Variants in RBFOX1 observed in about 807,000 individuals in gnomAD.
The protein encoded by RBFOX1 is RNA binding protein fox-1 homolog 1.
RBFOX1 carries 8 observed loss-of-function variants against 57.7 expected under a neutral mutation model. The observed-to-expected ratio is 0.14, with a 90% CI of 0.08 to 0.25. RBFOX1 has a LOEUF of 0.25. Among genes scored for constraint, RBFOX1 ranks in the 10% least tolerant of loss-of-function variants. The probability of loss-of-function intolerance (pLI) is 1.00; values close to 1 mark genes in which losing one functional copy is unlikely to be tolerated. For synonymous variants in RBFOX1, 326 were observed against 222.4 expected, an observed-to-expected ratio of 1.47 and a Z score of -4.15; for missense variants, 611 against 548.5, an observed-to-expected ratio of 1.11 and a Z score of -1.14.
chr16:6,761,226 G>C (rs952119859), intron 3 of RBFOX1, among the ~76,000 whole-genome samples: 5 of 152,034 alleles, frequency 3.3e-5, no homozygotes, highest in South Asian at 2.1e-4. Flanking sequence ...TTGAAGCCCA[G>C]GTAATTGGGG....
At chr16:5,499,283 A>G (rs2043107122) in intron 2 of RBFOX1, among the ~76,000 whole-genome samples, 1 of 152,178 alleles carries the variant, frequency 6.6e-6, no homozygotes. Flanking sequence ...GGAATGACTG[A>G]CTTCTGTAGT....
intron 4 of RBFOX1, among the ~76,000 whole-genome samples, chr16:7,506,790 T>C (rs994053075): frequency 2.2e-5 from 3 of 137,984 alleles, no homozygotes; most frequent in African/African-American, 7.4e-5. Context: ...AAAGGTACCA[T>C]AATGAGGTAT....
At chr16:7,007,413 T>G (rs1031352912) in intron 3 of RBFOX1, among the ~76,000 whole-genome samples, 2 of 152,198 alleles carry the variant, frequency 1.3e-5, no homozygotes, top group Non-Finnish European at 2.9e-5. Context: ...GATGGGATTT[T>G]CCCCAATAAT....
At chr16:7,001,901 G>C (rs535632434) in intron 3 of RBFOX1, among the ~76,000 whole-genome samples, 2 of 152,122 alleles carry the variant, frequency 1.3e-5, no homozygotes, top group Non-Finnish European at 2.9e-5. Flanking sequence ...CATAGTAAGC[G>C]GGGGTCCCCA....
intron 1 of RBFOX1, among the ~76,000 whole-genome samples, chr16:6,188,606 C>A (rs1462905187): frequency 3.3e-5 from 5 of 152,024 alleles, no homozygotes; most frequent in Non-Finnish European, 7.4e-5. Flanking sequence ...TCTGCTAACT[C>A]CTTGTTTCCC....
chr16:7,298,345 G>C (rs1365360687), intron 4 of RBFOX1, among the ~76,000 whole-genome samples: 1 of 139,586 alleles, frequency 7.2e-6, no homozygotes, highest in Non-Finnish European at 1.5e-5. Context: ...CTGGAGTGCA[G>C]TAGCATGATC....
At chr16:6,710,879 G>T (rs970998085) in intron 3 of RBFOX1, among the ~76,000 whole-genome samples, 1 of 152,220 alleles carries the variant, frequency 6.6e-6, no homozygotes, top group East Asian at 1.9e-4. Flanking sequence ...GGCTTCATTT[G>T]TGCCAAGTGT....
chr16:7,514,297 A>T (rs749646179), intron 4 of RBFOX1, among the ~76,000 whole-genome samples: 4 of 152,206 alleles, frequency 2.6e-5, no homozygotes, highest in Non-Finnish European at 5.9e-5. Context: ...GTCGTTTGCT[A>T]GGTCCTCTCT....
At chr16:6,376,045 G>C (rs539027023) in intron 2 of RBFOX1, among the ~76,000 whole-genome samples, 1 of 152,118 alleles carries the variant, frequency 6.6e-6, no homozygotes, top group African/African-American at 2.4e-5. Flanking sequence ...CTTGTATAGG[G>C]GTACATTCCT....
intron 3 of RBFOX1, among the ~76,000 whole-genome samples, chr16:5,740,911 T>G (rs2052748485): frequency 6.6e-6 from 1 of 152,172 alleles, no homozygotes; most frequent in Non-Finnish European, 1.5e-5. Context: ...CCGTTTGTTG[T>G]GTACTACCCT....
rs527633585 is a variant in RBFOX1, at chr16:5,485,591, C to A, written c.258+18337C>A. Among the ~76,000 whole-genome samples the A allele has an allele frequency of 6.6e-5, 10 of 152,274 alleles. No homozygotes were observed. In the South Asian group the frequency reaches 2.1e-3, roughly 32 times the overall value. ...ATTTTAATATTTATTCCGCATTATA[C>A]CTCAAAGAGAATTCACCATTGTCCT... On this transcript the variant is annotated intron_variant, in intron 2 of 2. Transcript: ENST00000585867.
intron 3 of RBFOX1, among the ~76,000 whole-genome samples, chr16:6,886,774 AAAACAAAAC>A (rs1408056086): frequency 2.1e-5 from 3 of 143,096 alleles, no homozygotes; most frequent in African/African-American, 8.1e-5. Flanking sequence ...AAAACAAAAC[AAAACAAAAC>A]AAAAAAAAAA....
intron 2 of RBFOX1, among the ~76,000 whole-genome samples, chr16:6,403,753 T>C (rs2093170922): frequency 1.3e-5 from 2 of 152,170 alleles, no homozygotes; most frequent in African/African-American, 4.8e-5. Context: ...TCGAGCCCTA[T>C]GTTCATGCAT....
At chr16:6,853,550 G>C (rs886829508) in intron 3 of RBFOX1, among the ~76,000 whole-genome samples, 2 of 152,048 alleles carry the variant, frequency 1.3e-5, no homozygotes, top group African/African-American at 4.8e-5. Context: ...TCAGAATTTG[G>C]GTTATGAGTG....
At chr16:7,445,647 A>T (rs2098802095) in intron 4 of RBFOX1, among the ~76,000 whole-genome samples, 1 of 152,042 alleles carries the variant, frequency 6.6e-6, no homozygotes. Flanking sequence ...CTGGTCTCTT[A>T]GAAATTCAAA....
intron 2 of RBFOX1, among the ~76,000 whole-genome samples, chr16:6,525,163 C>T (rs1469784396): frequency 6.6e-6 from 1 of 152,102 alleles, no homozygotes; most frequent in African/African-American, 2.4e-5. Flanking sequence ...TGCAAACATC[C>T]TGAACTATAG....
intron 1 of RBFOX1, among the ~76,000 whole-genome samples, chr16:6,171,545 A>G (rs971606131): frequency 5.3e-5 from 8 of 152,152 alleles, no homozygotes; most frequent in African/African-American, 1.9e-4. Context: ...CAGCAGTTAG[A>G]TTTGGAGTGG....
At position 5,663,619 on chromosome 16, in the gene RBFOX1, T is replaced by C. The variant is rs114481923; in HGVS notation, c.318+64658T>C. Among the ~76,000 whole-genome samples, 865 of 152,284 alleles carry C rather than the reference T, an allele frequency of 5.7e-3. 10 individuals are homozygous for C. Among genetic ancestry groups the C allele is most frequent in the African/African-American group, 0.02 (827 of 41,570 alleles). On this transcript the variant is annotated intron_variant, in intron 3 of 19. Transcript: ENST00000641259. ...CACTGCATCATTCAAAGCTGGTTTATGTACTGAATGAAGGTAGCCAGCAGC... is the reference window on the plus strand; with the variant it reads ...CACTGCATCATTCAAAGCTGGTTTACGTACTGAATGAAGGTAGCCAGCAGC...
At chr16:6,100,092 A>G (rs2096285749) in intron 1 of RBFOX1, among the ~76,000 whole-genome samples, 1 of 152,172 alleles carries the variant, frequency 6.6e-6, no homozygotes, top group Non-Finnish European at 1.5e-5. Flanking sequence ...GCTCTAAAGT[A>G]GTCAACTTCA....
Sources: allele counts gnomAD v4.1 joint callset (sites outside exome capture counted in the v4.1 genomes callset), GRCh38; gene constraint gnomAD v4.1.1; transcripts MANE v1.5; gene names NCBI Gene and HGNC (gene_info 2026-07-23, HGNC 2026-07-21).